BLTP3A: variants seen among roughly 807,000 people sequenced by gnomAD.
The protein encoded by BLTP3A is bridge-like lipid transfer protein family member 3A.
At chr6:34,831,284 C>T in the BLTP3A span, among the ~76,000 whole-genome samples, 20,165 of 151,972 alleles carry the variant, frequency 0.13, 1,537 homozygotes, top group African/African-American at 0.2. Flanking sequence ...CCTGCCACCA[C>T]GCCCAGCTAA....
chr6:34,829,027 CAAAAAAAAAAA>C, the BLTP3A span, among the ~76,000 whole-genome samples: 4 of 50,726 alleles, frequency 7.9e-5, no homozygotes, highest in South Asian at 1.1e-3. Flanking sequence ...AACTCCATCT[CAAAAAAAAAAA>C]AAAAAAAAAA....
At chr6:34,803,391 T>C in the BLTP3A span, among the ~76,000 whole-genome samples, 1 of 152,140 alleles carries the variant, frequency 6.6e-6, no homozygotes, top group African/African-American at 2.4e-5. Flanking sequence ...AGGTCTCTCT[T>C]CTCATGCCCC....
At chr6:34,837,671 C>G in the BLTP3A span, among the ~76,000 whole-genome samples, 1 of 151,876 alleles carries the variant, frequency 6.6e-6, no homozygotes, top group Admixed American at 6.6e-5. Context: ...ACAGTGAGAC[C>G]CTGTTTCAAA....
the BLTP3A span, among the ~76,000 whole-genome samples, chr6:34,823,696 C>T: frequency 6.6e-6 from 1 of 151,776 alleles, no homozygotes; most frequent in Non-Finnish European, 1.5e-5. Flanking sequence ...GCGCACATCA[C>T]CATGCCTGGC....
At chr6:34,865,071 C>T in the BLTP3A span, among the ~76,000 whole-genome samples, 1 of 152,182 alleles carries the variant, frequency 6.6e-6, no homozygotes, top group Non-Finnish European at 1.5e-5. Context: ...TATACACACA[C>T]ACATACAGTG....
At chr6:34,831,112 A>G in the BLTP3A span, among the ~76,000 whole-genome samples, 1 of 150,518 alleles carries the variant, frequency 6.6e-6, no homozygotes, top group African/African-American at 2.5e-5. Context: ...GAATACCAAG[A>G]TACTGATCAC....
At chr6:34,873,864 T>C in the BLTP3A span, 1 of 152,994 alleles carries the variant, frequency 6.5e-6, no homozygotes, top group South Asian at 2.1e-4. Context: ...TTACAACTAA[T>C]TGATCACAAC....
chr6:34,875,729 G>A, the BLTP3A span: 1 of 152,026 alleles, frequency 6.6e-6, no homozygotes, highest in African/African-American at 2.4e-5. Context: ...ATGTGATAGG[G>A]GATATTATCC....
chr6:34,850,101 C>T, the BLTP3A span, among the ~76,000 whole-genome samples: 5 of 148,014 alleles, frequency 3.4e-5, no homozygotes, highest in East Asian at 7.7e-4. Flanking sequence ...CAAGATCGTG[C>T]CACTGCACTC....
chr6:34,866,213 G>A, the BLTP3A span, among the ~76,000 whole-genome samples: 1 of 152,136 alleles, frequency 6.6e-6, no homozygotes, highest in African/African-American at 2.4e-5. Context: ...AGACCAGCCT[G>A]GCCAACATGG....
At chr6:34,876,576 A>T in the BLTP3A span, 1 of 152,208 alleles carries the variant, frequency 6.6e-6, no homozygotes, top group Non-Finnish European at 1.5e-5. Context: ...AAAACTATGG[A>T]AACAACTGAA....
the BLTP3A span, among the ~76,000 whole-genome samples, chr6:34,851,327 A>G: frequency 6.6e-6 from 1 of 152,178 alleles, no homozygotes; most frequent in African/African-American, 2.4e-5. Flanking sequence ...ATTGTGATCT[A>G]AATTTTTGGC....
chr6:34,834,232 C>G, the BLTP3A span: 1 of 1,613,708 alleles, frequency 6.2e-7, no homozygotes, highest in Non-Finnish European at 8.5e-7. Context: ...ATGGCTTTGC[C>G]GAAAAGGTGG....
At chr6:34,837,268 A>C in the BLTP3A span, among the ~76,000 whole-genome samples, 1 of 152,218 alleles carries the variant, frequency 6.6e-6, no homozygotes, top group Non-Finnish European at 1.5e-5. Context: ...CTGGCCAGGC[A>C]CAGTGGCTCA....
the BLTP3A span, among the ~76,000 whole-genome samples, chr6:34,806,221 G>A: frequency 1.3e-5 from 2 of 152,186 alleles, no homozygotes; most frequent in Non-Finnish European, 2.9e-5. Flanking sequence ...TAGACTTTAT[G>A]TTTGACGTAG....
the BLTP3A span, among the ~76,000 whole-genome samples, chr6:34,811,806 G>A: frequency 1.3e-5 from 2 of 151,882 alleles, no homozygotes; most frequent in African/African-American, 2.4e-5. Context: ...GTAGTGAGCC[G>A]AGATCGTGCC....
the BLTP3A span, chr6:34,857,931 G>A: frequency 1.2e-6 from 2 of 1,607,736 alleles, no homozygotes; most frequent in South Asian, 1.1e-5. Flanking sequence ...AGGGGAGAGT[G>A]TGACTTTTAT....
the BLTP3A span, chr6:34,821,421 GTGT>G: frequency 4.2e-6 from 2 of 475,674 alleles, no homozygotes; most frequent in African/African-American, 1.9e-5. Flanking sequence ...TGTAGAGATG[GTGT>G]GGTCTGAGTG....
chr6:34,836,014 AGCTACTAG>A, the BLTP3A span: 1 of 1,013,300 alleles, frequency 9.9e-7, no homozygotes, highest in Admixed American at 2.3e-5. Flanking sequence ...GACCTAAGTG[AGCTACTAG>A]GCCAACAGTT....
Sources: allele counts gnomAD v4.1 joint callset (sites outside exome capture counted in the v4.1 genomes callset), GRCh38; gene constraint gnomAD v4.1.1; transcripts MANE v1.5; gene names NCBI Gene and HGNC (gene_info 2026-07-23, HGNC 2026-07-21).